The following LIX1 variants were observed in gnomAD, a reference collection of about 807,000 sequenced individuals.
LIX1 encodes the protein protein limb expression 1 homolog.
LIX1 carries 24 observed loss-of-function variants against 33.4 expected under a neutral mutation model. The ratio of observed to expected loss-of-function variants is 0.72; its 90% CI spans 0.52 to 1.01. The LOEUF (loss-of-function observed/expected upper bound fraction) is 1.01, where lower values mean the gene tolerates loss of function less well. Among genes scored for constraint, LIX1 ranks in the 50% least tolerant of loss-of-function variants. The probability of loss-of-function intolerance (pLI) is 0.00; values close to 1 mark genes in which losing one functional copy is unlikely to be tolerated. For synonymous variants in LIX1, 124 were observed against 124.0 expected (o/e 1.00, Z 0.00); for missense variants, 311 against 339.2 (o/e 0.92, Z 0.65).
intron 2 of LIX1, among the ~76,000 whole-genome samples, chr5:97,119,282 G>T (rs1376043487): frequency 6.6e-6 from 1 of 152,194 alleles, no homozygotes; most frequent in East Asian, 1.9e-4. Flanking sequence ...GAAATGATTT[G>T]TAATGCACAG....
chr5:97,141,090 T>C (rs756126341), intron 1 of LIX1, among the ~76,000 whole-genome samples: 1 of 152,012 alleles, frequency 6.6e-6, no homozygotes, highest in Non-Finnish European at 1.5e-5. Context: ...TTTGAACTTA[T>C]TAAGTTTTCA....
At chr5:97,128,363 T>A (rs1022254349) in intron 1 of LIX1, among the ~76,000 whole-genome samples, 2 of 152,146 alleles carry the variant, frequency 1.3e-5, no homozygotes, top group African/African-American at 4.8e-5. Context: ...CTGCATCTCT[T>A]CCTGATCATT....
At chr5:97,100,539 T>G (rs887599209) in intron 4 of LIX1, among the ~76,000 whole-genome samples, 1 of 152,340 alleles carries the variant, frequency 6.6e-6, no homozygotes, top group South Asian at 2.1e-4. Context: ...TTGTCTCACT[T>G]CTTTATTTCC....
rs1051509530 is a variant in LIX1 at position 97,092,889 on chromosome 5, C to T, written c.*1859G>A. 4 of 152,274 alleles carry T rather than the reference C, an allele frequency of 2.6e-5. No individual in the cohort carries two copies. In the South Asian group the frequency reaches 8.3e-4, roughly 32 times the overall value. 9.4% of individuals were successfully genotyped at this position (152,274 alleles called of 1,614,324 possible). On this transcript the variant is annotated 3_prime_UTR_variant, in exon 6 of 6. Coordinates refer to ENST00000274382, the MANE Select transcript of LIX1 (RefSeq NM_153234.5). ...TGAAAGAAATTAACTTTAAATAGAA[C>T]ATTTCCTAAATTTTAAAATTTATTC...
intron 2 of LIX1, among the ~76,000 whole-genome samples, chr5:97,108,950 A>G (rs1747217281): frequency 1.3e-5 from 2 of 152,084 alleles, no homozygotes; most frequent in African/African-American, 4.8e-5. Context: ...CAAACAAAGA[A>G]AGCCAAATCC....
At position 97,093,852 on chromosome 5, in the gene LIX1, G is replaced by A. The variant is rs757486731; in HGVS notation, c.*896C>T. The A allele has an allele frequency of 4.6e-5, 7 of 152,242 alleles. No homozygotes were observed. The highest frequency in any genetic ancestry group is 8.8e-5 in the Non-Finnish European group (6 of 68,022). The allele number at this position is 152,242 out of a possible 1,614,324, so 9.4% of individuals were successfully genotyped here. A position where few individuals can be genotyped will look rare whatever the true frequency, so the allele number is the denominator to read the frequency against. ...CAAATGCTGGTGAAACTAATCAAAT[G>A]CAAGCATTCTTTGTTACATGCTAAT... is the stretch of plus-strand genomic sequence containing the variant. On this transcript the variant is annotated 3_prime_UTR_variant, in exon 6 of 6. Coordinates refer to ENST00000274382, the MANE Select transcript of LIX1 (RefSeq NM_153234.5).
chr5:97,133,390 A>G (rs770048177), intron 1 of LIX1, among the ~76,000 whole-genome samples: 1 of 152,248 alleles, frequency 6.6e-6, no homozygotes, highest in Admixed American at 6.5e-5. Context: ...GAAAATGCTC[A>G]GAAAAGAACT....
At chr5:97,131,533 C>G (rs1229587755) in intron 1 of LIX1, among the ~76,000 whole-genome samples, 5 of 131,426 alleles carry the variant, frequency 3.8e-5, no homozygotes, top group African/African-American at 6.3e-5. Context: ...TCCTTCTGGC[C>G]AGAGGAATGA....
chr5:97,107,653 C>G (rs761969641), intron 2 of LIX1, among the ~76,000 whole-genome samples, 153 bp from the exon 3 acceptor site: 6 of 152,212 alleles, frequency 3.9e-5, no homozygotes, highest in Non-Finnish European at 7.3e-5. Flanking sequence ...GAAGGTCACG[C>G]AGATTTTCCT....
Position 97,105,290 on chromosome 5 carries a change from G to A in LIX1, c.388-5C>T, listed in dbSNP as rs1158247764. 2 of 1,611,836 alleles carry A rather than the reference G, an allele frequency of 1.2e-6. No homozygotes were observed. The highest frequency in any genetic ancestry group is 1.7e-5 in the Admixed American group (1 of 59,788). On this transcript the variant is annotated splice_polypyrimidine_tract_variant and splice_region_variant and intron_variant, in intron 3 of 5. Transcript: ENST00000274382. Reference sequence around the variant, plus strand: ...ATCTGCATCATCTAAGGTGCCCTTGGGAAAGAAAGCAGAAAAAGAAAAATT... The same window carrying A: ...ATCTGCATCATCTAAGGTGCCCTTGAGAAAGAAAGCAGAAAAAGAAAAATT...
intron 4 of LIX1, among the ~76,000 whole-genome samples, chr5:97,098,662 A>C (rs1746518498): frequency 6.6e-6 from 1 of 152,198 alleles, no homozygotes; most frequent in Non-Finnish European, 1.5e-5. Context: ...AGGCAGGAGA[A>C]TTGATTGAGC....
rs1746243157 is a variant in LIX1, at chr5:97,094,559, A to G, written c.*189T>C. Reference sequence around the variant, plus strand: ...TATTGAGAATGTGATAGAAAAATGCATCGAGTGGCTTGTTGGGTCTTGTAA... The same window carrying G: ...TATTGAGAATGTGATAGAAAAATGCGTCGAGTGGCTTGTTGGGTCTTGTAA... On this transcript the variant is annotated 3_prime_UTR_variant, in exon 6 of 6. Transcript: ENST00000274382. 1 of 561,784 alleles carries G rather than the reference A, an allele frequency of 1.8e-6. No individual in the cohort carries two copies. The highest frequency in any genetic ancestry group is 3.2e-5 in the Admixed American group (1 of 30,956). 34.8% of individuals were successfully genotyped at this position (561,784 alleles called of 1,614,324 possible). A position where few individuals can be genotyped will look rare whatever the true frequency, so the allele number is the denominator to read the frequency against.
chr5:97,119,841 C>T (rs1490080818), intron 2 of LIX1, among the ~76,000 whole-genome samples: 1 of 151,710 alleles, frequency 6.6e-6, no homozygotes, highest in Non-Finnish European at 1.5e-5. Context: ...AAAATTTATA[C>T]TTCTCCGGGT....
intron 2 of LIX1, among the ~76,000 whole-genome samples, chr5:97,120,914 T>A (rs903097860): frequency 6.6e-6 from 1 of 152,220 alleles, no homozygotes; most frequent in African/African-American, 2.4e-5. Flanking sequence ...CATCTAAGTT[T>A]TCATGTTTCA....
chr5:97,135,428 G>C (rs536973907), intron 1 of LIX1, among the ~76,000 whole-genome samples: 3 of 152,252 alleles, frequency 2.0e-5, no homozygotes, highest in Admixed American at 6.5e-5. Flanking sequence ...AATCTCAAAA[G>C]CTGCATAAAA....
At chr5:97,132,493 G>A (rs1409500339) in intron 1 of LIX1, among the ~76,000 whole-genome samples, 1 of 152,160 alleles carries the variant, frequency 6.6e-6, no homozygotes, top group Non-Finnish European at 1.5e-5. Context: ...TGAAGGGAGA[G>A]AAATAATGAT....
At chr5:97,105,120 A>G in intron 4 of LIX1, 70 bp downstream of exon 4, 1 of 1,345,900 alleles carries the variant, frequency 7.4e-7, no homozygotes, top group Non-Finnish European at 1.1e-6. Flanking sequence ...GATGTTAGTG[A>G]TAAATGTTGC....
intron 2 of LIX1, among the ~76,000 whole-genome samples, chr5:97,119,170 G>A (rs985295742): frequency 3.3e-5 from 5 of 152,142 alleles, no homozygotes; most frequent in Non-Finnish European, 7.3e-5. Context: ...CAATTACTTG[G>A]CACCATTGGT....
chr5:97,093,885 C>G lies in LIX1; in HGVS notation c.*863G>C, dbSNP rs1013375550. The G allele has an allele frequency of 6.6e-6, 1 of 152,356 alleles. No individual in the cohort carries two copies. Among genetic ancestry groups the G allele is most frequent in the Non-Finnish European group, 1.5e-5 (1 of 68,002 alleles). 9.4% of individuals were successfully genotyped at this position (152,356 alleles called of 1,614,324 possible). On this transcript the variant is annotated 3_prime_UTR_variant, in exon 6 of 6. Transcript: ENST00000274382. ...TCTTTGTTACATGCTAATAATTTTT[C>G]AAAATGTTTTAACCTTTAAAATGCC...
Sources: gnomAD v4.1 joint callset for allele counts (sites outside exome capture counted in the v4.1 genomes callset) on GRCh38, gnomAD v4.1.1 for gene constraint, MANE v1.5 for transcripts, NCBI Gene and HGNC (gene_info 2026-07-23, HGNC 2026-07-21) for gene names.